The following SNX2 variants were observed in gnomAD, a reference collection of about 807,000 sequenced individuals.
SNX2 encodes sorting nexin-2.
SNX2 carries 25 observed loss-of-function variants against 69.9 expected under a neutral mutation model. That is an observed-to-expected ratio of 0.36 (90% CI 0.26 to 0.50). The LOEUF is 0.50. Ranked by LOEUF, SNX2 falls within the 20% of genes least tolerant of loss-of-function variation. SNX2 has a pLI of 0.97. For missense variants in SNX2, 551 were observed against 613.3 expected, an observed-to-expected ratio of 0.90 and a Z score of 1.07; for synonymous variants, 229 against 200.4, an observed-to-expected ratio of 1.14 and a Z score of -1.20.
intron 1 of SNX2, among the ~76,000 whole-genome samples, chr5:122,781,909 C>G (rs1361147934): frequency 6.6e-6 from 1 of 151,984 alleles, no homozygotes; most frequent in Admixed American, 6.5e-5. Flanking sequence ...TCCTTGCTTT[C>G]TAATTCCTTT....
In SNX2 at chr5:122,816,987, GCTGTC is replaced by G; in HGVS notation, c.872_876del (p.Ala291GlufsTer9). ...GAGGATGGTGAACAAGGCTGCCGAC[GCTGTC>G]AACAAAATGACAATCAAGATGAATG... On this transcript the variant is annotated frameshift_variant, in exon 9 of 15. Coordinates refer to ENST00000379516, the MANE Select transcript of SNX2 (RefSeq NM_003100.4). LOFTEE classifies it high-confidence loss of function. 1.2e-6 allele frequency: 2 copies of G among 1,613,750 alleles called. No individual in the cohort carries two copies. The highest frequency in any genetic ancestry group is 1.7e-5 in the Admixed American group (1 of 59,990).
In SNX2 at chr5:122,795,466, A is replaced by G; in HGVS notation, c.226+83A>G. ...ATAGAAAATATCTAAAACAAAACTGAAATTCTGTGTAAAGTGTTAGTGGCA... is the reference window on the plus strand; with the variant it reads ...ATAGAAAATATCTAAAACAAAACTGGAATTCTGTGTAAAGTGTTAGTGGCA... On this transcript the variant is annotated intron_variant, in intron 2 of 14. Coordinates refer to ENST00000379516, the MANE Select transcript of SNX2 (RefSeq NM_003100.4). The G allele has an allele frequency of 3.2e-6, 3 of 948,520 alleles. 1 individual carries two copies. Among genetic ancestry groups the G allele is most frequent in the Non-Finnish European group, 4.9e-6 (3 of 608,880 alleles). The allele number at this position is 948,520 out of a possible 1,614,324, so 58.8% of individuals were successfully genotyped here.
chr5:122,803,412 T>A, intron 5 of SNX2, 60 bp from the exon 6 acceptor site: 1 of 1,506,852 alleles, frequency 6.6e-7, no homozygotes, highest in Non-Finnish European at 9.0e-7. Flanking sequence ...ATGTATAACA[T>A]TAACTTGTGG....
At chr5:122,791,934 G>T (rs1355188709) in intron 1 of SNX2, among the ~76,000 whole-genome samples, 1 of 152,200 alleles carries the variant, frequency 6.6e-6, no homozygotes, top group Non-Finnish European at 1.5e-5. Flanking sequence ...TGTGGTAAGA[G>T]AAATTATGAC....
In SNX2 at chr5:122,818,808, T is replaced by A. The variant is rs775226108; in HGVS notation, c.1007-10T>A. 6 of 1,604,924 alleles carry A rather than the reference T, an allele frequency of 3.7e-6. No homozygotes were observed. The highest frequency in any genetic ancestry group is 1.1e-5 in the South Asian group (1 of 87,906). On this transcript the variant is annotated splice_polypyrimidine_tract_variant and intron_variant, in intron 10 of 14. Transcript: ENST00000379516. ...AACACTAAAATTGCATACTTTTTTT[T>A]AAATTTCAGAACTTTCAGCCAACAC...
At chr5:122,827,313 G>C in intron 12 of SNX2, 66 bp from the exon 13 acceptor site, 1 of 1,272,954 alleles carries the variant, frequency 7.9e-7, no homozygotes, top group Non-Finnish European at 1.1e-6. Flanking sequence ...TAAATTAAGT[G>C]AGTGGTCTTG....
rs1754253163 is a variant in SNX2 at position 122,830,094 on chromosome 5, A to G, written c.*446A>G. 1 of 154,314 alleles carries G rather than the reference A, an allele frequency of 6.5e-6. No individual in the cohort carries two copies. The highest frequency in any genetic ancestry group is 2.0e-4 in the South Asian group (1 of 4,942). 9.6% of individuals were successfully genotyped at this position (154,314 alleles called of 1,614,324 possible). A position where few individuals can be genotyped will look rare whatever the true frequency, so the allele number is the denominator to read the frequency against. Reference sequence around the variant, plus strand: ...ATTTTGTGATTACAGTAATAAAATGATATTCCTTGTGAAATATTAGTAACA... The same window carrying G: ...ATTTTGTGATTACAGTAATAAAATGGTATTCCTTGTGAAATATTAGTAACA... On this transcript the variant is annotated 3_prime_UTR_variant, in exon 15 of 15. Coordinates refer to ENST00000379516, the MANE Select transcript of SNX2 (RefSeq NM_003100.4).
At chr5:122,819,088 T>C (rs1254199577) in intron 11 of SNX2, 65 bp downstream of exon 11, 7 of 1,282,816 alleles carry the variant, frequency 5.5e-6, no homozygotes, top group South Asian at 4.0e-5. Context: ...TGTTTCCTAT[T>C]AATTATGTAT....
intron 6 of SNX2, among the ~76,000 whole-genome samples, chr5:122,804,953 T>G (rs904965041): frequency 2.0e-5 from 3 of 152,116 alleles, no homozygotes; most frequent in Non-Finnish European, 4.4e-5. Flanking sequence ...GTTTTTTTGT[T>G]TTTTGAGACG....
At chr5:122,780,705 G>T (rs757099203) in intron 1 of SNX2, among the ~76,000 whole-genome samples, 4 of 151,702 alleles carry the variant, frequency 2.6e-5, no homozygotes, top group African/African-American at 4.8e-5. Flanking sequence ...ACGTAGCTGG[G>T]ATTACAGGTG....
At position 122,830,089 on chromosome 5, in the gene SNX2, A is replaced by G. The variant is rs1411990518; in HGVS notation, c.*441A>G. The G allele has an allele frequency of 6.5e-6, 1 of 154,308 alleles. No individual in the cohort carries two copies. The highest frequency in any genetic ancestry group is 2.4e-5 in the African/African-American group (1 of 41,498). The allele number at this position is 154,308 out of a possible 1,614,324, so 9.6% of individuals were successfully genotyped here. A position where few individuals can be genotyped will look rare whatever the true frequency, so the allele number is the denominator to read the frequency against. On this transcript the variant is annotated 3_prime_UTR_variant, in exon 15 of 15. Coordinates refer to ENST00000379516, the MANE Select transcript of SNX2 (RefSeq NM_003100.4). ...TTACGATTTTGTGATTACAGTAATAAAATGATATTCCTTGTGAAATATTAG... is the reference window on the plus strand; with the variant it reads ...TTACGATTTTGTGATTACAGTAATAGAATGATATTCCTTGTGAAATATTAG...
chr5:122,823,779 C>CGTGTGTGTGTGTGT (rs10559762), intron 11 of SNX2, among the ~76,000 whole-genome samples: 4 of 145,828 alleles, frequency 2.7e-5, no homozygotes, highest in African/African-American at 1.0e-4. Context: ...AACATGTGGT[C>CGTGTGTGTGTGTGT]GTGTGTGTGT....
intron 1 of SNX2, among the ~76,000 whole-genome samples, chr5:122,791,154 G>A (rs777284681): frequency 1.0e-3 from 104 of 101,164 alleles, no homozygotes; most frequent in Non-Finnish European, 1.5e-3. Context: ...GAGGAGTTTT[G>A]TTCTTGTTGC....
At chr5:122,794,234 C>T (rs908623353) in intron 1 of SNX2, among the ~76,000 whole-genome samples, 2 of 151,960 alleles carry the variant, frequency 1.3e-5, no homozygotes, top group Non-Finnish European at 2.9e-5. Flanking sequence ...TCACTTGAAC[C>T]CAGGAGGTGG....
chr5:122,791,684 T>A (rs1451855945), intron 1 of SNX2, among the ~76,000 whole-genome samples: 1 of 152,296 alleles, frequency 6.6e-6, no homozygotes, highest in Non-Finnish European at 1.5e-5. Context: ...CCCAGAGTGC[T>A]GGGATTACAG....
rs191583931 is a variant in SNX2 at position 122,814,890 on chromosome 5, C to T, written c.723-1006C>T. The stretch of plus-strand genomic sequence containing the variant: ...TCGGCCTCCTGAGTAGCTGGGACTA[C>T]AGGCACCTGCCACTGCGCCCGGCTA... On this transcript the variant is annotated intron_variant, in intron 7 of 14. Coordinates refer to ENST00000379516, the MANE Select transcript of SNX2 (RefSeq NM_003100.4). Among the ~76,000 whole-genome samples the T allele has an allele frequency of 6.5e-3, 989 of 152,198 alleles. 11 individuals are homozygous for T. Among genetic ancestry groups the T allele is most frequent in the African/African-American group, 0.022 (904 of 41,524 alleles).
rs1754317256 is a variant in SNX2, at chr5:122,832,528, C to A, written c.*2880C>A. On this transcript the variant is annotated 3_prime_UTR_variant, in exon 15 of 15. Transcript: ENST00000379516. ...ATACCTTTGTTTCATTGTTGCTACT[C>A]CTTAAACTTTTTTCTTTATTATCTA... 6.6e-6 allele frequency: 1 copy of A among 151,810 alleles called. No homozygotes were observed. Among genetic ancestry groups the A allele is most frequent in the African/African-American group, 2.4e-5 (1 of 41,290 alleles). The allele number at this position is 151,810 out of a possible 1,614,324, so 9.4% of individuals were successfully genotyped here.
intron 1 of SNX2, among the ~76,000 whole-genome samples, chr5:122,790,584 C>T (rs1190003941): frequency 6.6e-6 from 1 of 152,142 alleles, no homozygotes; most frequent in African/African-American, 2.4e-5. Flanking sequence ...ATGGAAGCCA[C>T]AGTCATTTAT....
rs1449523118 is a variant in SNX2 at position 122,799,793 on chromosome 5, G to A, written c.328G>A (p.Ala110Thr). The change falls in exon 3 of 15, where the codon GCT (alanine) becomes ACT (threonine). Residue 110 changes from alanine to threonine, a missense_variant. By Grantham distance (58) the Ala-to-Thr change is moderately conservative (BLOSUM62 0). Around this residue, in one of 2 missense-constraint regions of SNX2, gnomAD observed 191 missense variants for 162.9 expected, o/e 1.17. Transcript: ENST00000379516. The stretch of plus-strand genomic sequence containing the variant: ...ACCTGTCACTCCTACTACACTCATT[G>A]CTCCTAGAATTGAATCAAAGAGTAT... The part of the protein sequence containing the change: ...VTPVTPTTLI[A>T]PRIESKSMSA... 1.2e-6 allele frequency: 2 copies of A among 1,613,556 alleles called. No homozygotes were observed. Among genetic ancestry groups the A allele is most frequent in the Non-Finnish European group, 1.7e-6 (2 of 1,179,610 alleles).
Sources: gnomAD v4.1 joint callset for allele counts (sites outside exome capture counted in the v4.1 genomes callset) on GRCh38, gnomAD v4.1.1 for gene constraint, gnomAD v4.1.1 regional missense constraint, MANE v1.5 for transcripts, NCBI Gene and HGNC (gene_info 2026-07-23, HGNC 2026-07-21) for gene names.